Variants in ARHGAP25 observed in about 807,000 individuals in gnomAD.
ARHGAP25 encodes the protein Rho GTPase activating protein 25.
A neutral mutation model predicts 71.0 loss-of-function variants in ARHGAP25; 34 were observed. That is an observed-to-expected ratio of 0.48 (90% CI 0.36 to 0.64). The LOEUF is 0.64. Ranked by LOEUF, ARHGAP25 falls within the 30% of genes least tolerant of loss-of-function variation. The pLI is 0.00. For missense variants in ARHGAP25, 706 were observed against 805.1 expected, an observed-to-expected ratio of 0.88 and a Z score of 1.49; for synonymous variants, 282 against 296.5, an observed-to-expected ratio of 0.95 and a Z score of 0.50.
intron 1 of ARHGAP25, among the ~76,000 whole-genome samples, chr2:68,742,118 C>T (rs573163973): frequency 5.9e-5 from 9 of 152,144 alleles, no homozygotes; most frequent in South Asian, 2.1e-4. Context: ...CTTTCCACGC[C>T]GTACTATCCA....
chr2:68,737,407 A>G (rs931378573), intron 1 of ARHGAP25, among the ~76,000 whole-genome samples: 4 of 152,208 alleles, frequency 2.6e-5, no homozygotes, highest in African/African-American at 4.8e-5. Context: ...TACCATTGAC[A>G]TTTGGGGTTG....
Position 68,787,472 on chromosome 2 carries a change from G to A in ARHGAP25, c.350-368G>A, listed in dbSNP as rs941083828. Among the ~76,000 whole-genome samples the A allele has an allele frequency of 2.2e-4, 34 of 152,228 alleles. 1 individual carries two copies. The highest frequency in any genetic ancestry group is 1.8e-3 in the Admixed American group (27 of 15,286). On this transcript the variant is annotated intron_variant, in intron 3 of 10. Coordinates refer to ENST00000409202, the MANE Select transcript of ARHGAP25 (RefSeq NM_001007231.3). ...GCTTAGGAAAGTATCCACGGTTGGC[G>A]TGATGATCTAAAGTCTTCTAACTTT...
chr2:68,786,131 A>G (rs1180698072), intron 3 of ARHGAP25, among the ~76,000 whole-genome samples: 1 of 152,184 alleles, frequency 6.6e-6, no homozygotes, highest in African/African-American at 2.4e-5. Context: ...CCTAACCAGA[A>G]GAGTTAGTCC....
chr2:68,785,054 C>T (rs1308621222), intron 3 of ARHGAP25, among the ~76,000 whole-genome samples: 1 of 152,078 alleles, frequency 6.6e-6, no homozygotes, highest in Admixed American at 6.5e-5. Context: ...GTCTCTGAGC[C>T]TATTTCATAT....
intron 1 of ARHGAP25, among the ~76,000 whole-genome samples, chr2:68,752,872 A>AAG (rs1348452085): frequency 6.6e-6 from 1 of 151,286 alleles, no homozygotes; most frequent in East Asian, 1.9e-4. Context: ...TATATATACA[A>AAG]AGAGAGAGAG....
upstream of ARHGAP25, among the ~76,000 whole-genome samples, chr2:68,732,818 G>C (rs1215924159): frequency 6.6e-6 from 1 of 152,200 alleles, no homozygotes; most frequent in Non-Finnish European, 1.5e-5. Flanking sequence ...CTTCTCTCTT[G>C]TGCTCCTTTC....
At chr2:68,731,223 T>C (rs1675013991), upstream of ARHGAP25, among the ~76,000 whole-genome samples, 1 of 151,836 alleles carries the variant, frequency 6.6e-6, no homozygotes, top group Non-Finnish European at 1.5e-5. Context: ...AAGCCCACCG[T>C]TTTCTCCTTG....
At chr2:68,722,928 C>T (rs1484759942) in intron 2 of ARHGAP25, among the ~76,000 whole-genome samples, 2 of 152,162 alleles carry the variant, frequency 1.3e-5, no homozygotes. Flanking sequence ...GGGAGAGGTG[C>T]GCTAGGTCTG....
chr2:68,761,634 C>G (rs1386690202), intron 1 of ARHGAP25, among the ~76,000 whole-genome samples: 2 of 152,056 alleles, frequency 1.3e-5, no homozygotes, highest in Non-Finnish European at 1.5e-5. Context: ...TGAAATGATG[C>G]TATCAATATT....
Position 68,734,973 on chromosome 2 carries a change from G to A in ARHGAP25, c.-227G>A. On this transcript the variant is annotated 5_prime_UTR_variant, in exon 1 of 11. Coordinates refer to ENST00000409202, the MANE Select transcript of ARHGAP25 (RefSeq NM_001007231.3). ...CTGTGGGACTGAGGGTGGAGGCTGG[G>A]GGAGTTTGGGTGCCATCCTCCAGTG... 1 of 596,364 alleles carries A rather than the reference G, an allele frequency of 1.7e-6. No homozygotes were observed. 36.9% of individuals were successfully genotyped at this position (596,364 alleles called of 1,614,324 possible). A position where few individuals can be genotyped will look rare whatever the true frequency, so the allele number is the denominator to read the frequency against.
At position 68,739,568 on chromosome 2, in the gene ARHGAP25, G is replaced by C. The variant is rs556943205; in HGVS notation, c.61+4308G>C. ...TCACACACAAGGCAGCTTGAGGAAA[G>C]AATCTGGCATGAAGGTGCACCCCAG... On this transcript the variant is annotated intron_variant, in intron 1 of 10. Transcript: ENST00000409202. Among the ~76,000 whole-genome samples, 32 of 152,324 alleles carry C rather than the reference G, an allele frequency of 2.1e-4. 1 individual carries two copies. The highest frequency in any genetic ancestry group is 5.9e-4 in the Admixed American group (9 of 15,296).
At chr2:68,780,866 A>T (rs1678283189) in intron 2 of ARHGAP25, among the ~76,000 whole-genome samples, 5 of 152,164 alleles carry the variant, frequency 3.3e-5, no homozygotes, top group Admixed American at 3.3e-4. Flanking sequence ...CTCCATCGGT[A>T]CTTTGTTTTG....
chr2:68,825,845 G>A, intron 10 of ARHGAP25, 142 bp from the exon 11 acceptor site: 1 of 680,404 alleles, frequency 1.5e-6, no homozygotes, highest in Non-Finnish European at 2.4e-6. Context: ...ACATCTTCAT[G>A]TGGGAAGAGG....
chr2:68,718,900 T>C (rs1261884583), intron 2 of ARHGAP25, among the ~76,000 whole-genome samples: 1 of 152,124 alleles, frequency 6.6e-6, no homozygotes, highest in Non-Finnish European at 1.5e-5. Flanking sequence ...CACTTTTAAT[T>C]CCCAACCTTC....
intron 1 of ARHGAP25, among the ~76,000 whole-genome samples, chr2:68,739,507 C>A (rs79965801): frequency 0.012 from 1,868 of 152,194 alleles, 38 homozygotes; most frequent in African/African-American, 0.043. Flanking sequence ...GATGCTGGGA[C>A]CAATTGAGAG....
At chr2:68,755,547 G>C (rs972198332) in intron 1 of ARHGAP25, among the ~76,000 whole-genome samples, 6 of 152,166 alleles carry the variant, frequency 3.9e-5, no homozygotes, top group African/African-American at 1.4e-4. Context: ...TACATGCTAT[G>C]TATTAACTGA....
At chr2:68,735,473 G>A in intron 1 of ARHGAP25, 2 of 604,586 alleles carry the variant, frequency 3.3e-6, no homozygotes, top group South Asian at 2.0e-5. Flanking sequence ...CAGTGGGATG[G>A]CACTCCTTGG....
chr2:68,789,065 G>A (rs1194932033), intron 4 of ARHGAP25, among the ~76,000 whole-genome samples: 2 of 151,398 alleles, frequency 1.3e-5, no homozygotes, highest in East Asian at 1.9e-4. Flanking sequence ...CGGAGTCTTG[G>A]TCTGTCGCCC....
intron 1 of ARHGAP25, among the ~76,000 whole-genome samples, chr2:68,773,276 A>G (rs1461789953): frequency 6.6e-6 from 1 of 152,156 alleles, no homozygotes; most frequent in Non-Finnish European, 1.5e-5. Context: ...CCATGATTAT[A>G]AATAAAGATT....
Sources: gnomAD v4.1 joint callset for allele counts (sites outside exome capture counted in the v4.1 genomes callset) on GRCh38, gnomAD v4.1.1 for gene constraint, MANE v1.5 for transcripts, NCBI Gene and HGNC (gene_info 2026-07-23, HGNC 2026-07-21) for gene names.